Variants in WASF2 observed in about 807,000 individuals in gnomAD.
WASF2 encodes the protein actin-binding protein WASF2.
Under a neutral mutation model 45.0 loss-of-function variants are expected in WASF2, and 14 were observed. The observed-to-expected ratio is 0.31, with a 90% CI of 0.21 to 0.49. The LOEUF is 0.49. Among genes scored for constraint, WASF2 ranks in the 20% least tolerant of loss-of-function variants. WASF2 has a pLI of 0.99. For missense variants in WASF2, 439 were observed against 636.1 expected, an observed-to-expected ratio of 0.69 and a Z score of 3.33; for synonymous variants, 200 against 236.3, an observed-to-expected ratio of 0.85 and a Z score of 1.41.
intron 1 of WASF2, among the ~76,000 whole-genome samples, chr1:27,481,056 A>C (rs1315965109): frequency 6.7e-6 from 1 of 148,170 alleles, no homozygotes; most frequent in African/African-American, 2.5e-5. Flanking sequence ...AAAACAAAAA[A>C]ACAAAAAAAG....
intron 1 of WASF2, among the ~76,000 whole-genome samples, chr1:27,475,905 G>A (rs1028676702): frequency 2.0e-5 from 3 of 152,090 alleles, no homozygotes; most frequent in East Asian, 1.9e-4. Context: ...TTGGCCTCAC[G>A]CCTCCCCATG....
intron 1 of WASF2, among the ~76,000 whole-genome samples, chr1:27,461,892 G>C (rs1212132260): frequency 6.6e-6 from 1 of 151,948 alleles, no homozygotes; most frequent in Non-Finnish European, 1.5e-5. Flanking sequence ...AAACTCTTGG[G>C]ATCAAGTGAT....
chr1:27,458,639 A>G (rs568071599), intron 1 of WASF2, among the ~76,000 whole-genome samples: 1 of 151,598 alleles, frequency 6.6e-6, no homozygotes, highest in East Asian at 1.9e-4. Flanking sequence ...CTAAAAATAC[A>G]AAAATTAGTT....
intron 1 of WASF2, among the ~76,000 whole-genome samples, chr1:27,489,718 G>A (rs920771628): frequency 2.0e-5 from 3 of 152,180 alleles, no homozygotes; most frequent in Admixed American, 6.5e-5. Context: ...GCTGATGGCA[G>A]AACCAGGTCA....
intron 1 of WASF2, among the ~76,000 whole-genome samples, chr1:27,447,389 C>T (rs1296456100): frequency 2.6e-5 from 4 of 152,120 alleles, no homozygotes; most frequent in African/African-American, 9.7e-5. Context: ...AGATTTTTCC[C>T]GTTCAGATCT....
At chr1:27,467,240 A>ACG (rs1557617712) in intron 1 of WASF2, among the ~76,000 whole-genome samples, 1 of 147,624 alleles carries the variant, frequency 6.8e-6, no homozygotes, top group African/African-American at 2.5e-5. Context: ...AAACCAAAAC[A>ACG]CACACACACA....
Position 27,461,525 on chromosome 1 carries a change from G to A in WASF2, c.-44+28461C>T, listed in dbSNP as rs536283918. On this transcript the variant is annotated intron_variant, in intron 1 of 8. Transcript: ENST00000618852. ...TCCCCGGCTGGAGTGCAGTGACGAC[G>A]GATCTTGGCTCACTGCAAGCTCCGC... is the stretch of plus-strand genomic sequence containing the variant. Among the ~76,000 whole-genome samples, 156 of 149,586 alleles carry A rather than the reference G, an allele frequency of 1.0e-3. 1 individual carries two copies. Among genetic ancestry groups the A allele is most frequent in the Non-Finnish European group, 2.7e-4 (18 of 67,496 alleles).
intron 1 of WASF2, among the ~76,000 whole-genome samples, chr1:27,432,852 C>T (rs1415639633): frequency 1.3e-5 from 2 of 152,116 alleles, no homozygotes; most frequent in Non-Finnish European, 2.9e-5. Flanking sequence ...CAACCTCAAA[C>T]ACCTGAGCTC....
chr1:27,442,530 G>A (rs1280842279), intron 1 of WASF2, among the ~76,000 whole-genome samples: 2 of 151,736 alleles, frequency 1.3e-5, no homozygotes, highest in Non-Finnish European at 2.9e-5. Flanking sequence ...GAGACAGAGC[G>A]AGACTCCATC....
chr1:27,449,806 C>T (rs567285286), intron 1 of WASF2, among the ~76,000 whole-genome samples: 1 of 151,834 alleles, frequency 6.6e-6, no homozygotes, highest in South Asian at 2.1e-4. Context: ...CTACATTTAC[C>T]CCTCAAACTC....
At chr1:27,437,637 C>T (rs2017154681) in intron 1 of WASF2, among the ~76,000 whole-genome samples, 1 of 152,096 alleles carries the variant, frequency 6.6e-6, no homozygotes, top group African/African-American at 2.4e-5. Context: ...AATCTAATGC[C>T]AATTTCTAGT....
intron 1 of WASF2, among the ~76,000 whole-genome samples, chr1:27,486,626 A>C (rs2017929478): frequency 6.6e-6 from 1 of 152,114 alleles, no homozygotes; most frequent in Non-Finnish European, 1.5e-5. Context: ...CACAGTTAAA[A>C]TATAGCTAAA....
At chr1:27,469,937 CTG>C (rs915164054) in intron 1 of WASF2, among the ~76,000 whole-genome samples, 10 of 151,012 alleles carry the variant, frequency 6.6e-5, no homozygotes, top group African/African-American at 2.4e-4. Context: ...GAATGAGACT[CTG>C]TGTCAAAAAA....
intron 1 of WASF2, among the ~76,000 whole-genome samples, chr1:27,477,043 A>C (rs2017775281): frequency 6.6e-6 from 1 of 152,176 alleles, no homozygotes; most frequent in South Asian, 2.1e-4. Flanking sequence ...GCAACAAAAT[A>C]CTGGCTGTCA....
chr1:27,468,490 A>C (rs1021616173), intron 1 of WASF2, among the ~76,000 whole-genome samples: 11 of 151,280 alleles, frequency 7.3e-5, no homozygotes, highest in African/African-American at 2.7e-4. Context: ...AAAATACAAA[A>C]ATTAGCTGGT....
At chr1:27,478,616 CTT>C (rs1442354447) in intron 1 of WASF2, among the ~76,000 whole-genome samples, 7 of 152,058 alleles carry the variant, frequency 4.6e-5, no homozygotes, top group Non-Finnish European at 7.4e-5. Flanking sequence ...GAGTTTCACT[CTT>C]GTTGCCCAGG....
chr1:27,451,290 G>A (rs563049774), intron 1 of WASF2, among the ~76,000 whole-genome samples: 3 of 152,302 alleles, frequency 2.0e-5, no homozygotes, highest in South Asian at 2.1e-4. Flanking sequence ...TCCAGCTCAA[G>A]TTGGGGCAAA....
At chr1:27,419,459 A>G (rs896390963) in intron 2 of WASF2, among the ~76,000 whole-genome samples, 2 of 152,244 alleles carry the variant, frequency 1.3e-5, no homozygotes, top group African/African-American at 4.8e-5. Context: ...TACTAAAAAT[A>G]CAAAAATTAG....
Position 27,410,988 on chromosome 1 carries a change from G to C in WASF2, c.825-782C>G, listed in dbSNP as rs1301318002. On this transcript the variant is annotated intron_variant, in intron 7 of 8. Transcript: ENST00000618852. The surrounding 1 kb of genome is among the most constrained non-coding windows in gnomAD (Gnocchi z 4.2). ...CCTTTGTATCTACCCTGCACTAACAGCTACTCCTTAGAAAAGCAGCCATTT... is the reference window on the plus strand; with the variant it reads ...CCTTTGTATCTACCCTGCACTAACACCTACTCCTTAGAAAAGCAGCCATTT... Among the ~76,000 whole-genome samples the C allele has an allele frequency of 6.6e-6, 1 of 152,198 alleles. No homozygotes were observed. The highest frequency in any genetic ancestry group is 1.9e-4 in the East Asian group (1 of 5,200).
Sources: allele counts gnomAD v4.1 joint callset (sites outside exome capture counted in the v4.1 genomes callset), GRCh38; gene constraint gnomAD v4.1.1; non-coding constraint Gnocchi (gnomAD v3.1); transcripts MANE v1.5; gene names NCBI Gene and HGNC (gene_info 2026-07-23, HGNC 2026-07-21).